The following TBC1D32 variants were observed in gnomAD, a reference collection of about 807,000 sequenced individuals.
The protein encoded by TBC1D32 is protein broad-minded.
TBC1D32 carries 151 observed loss-of-function variants against 170.3 expected under a neutral mutation model. The observed-to-expected ratio is 0.89, with a 90% CI of 0.78 to 1.01. The LOEUF (loss-of-function observed/expected upper bound fraction) is 1.01, where lower values mean the gene tolerates loss of function less well. TBC1D32 is among the 50% of genes least tolerant of loss of function. The probability of loss-of-function intolerance (pLI) is 0.00; values close to 1 mark genes in which losing one functional copy is unlikely to be tolerated. For missense variants in TBC1D32, 1,464 were observed against 1,457.1 expected, an observed-to-expected ratio of 1.00 and a Z score of -0.08; for synonymous variants, 498 against 488.0, an observed-to-expected ratio of 1.02 and a Z score of -0.27.
chr6:121,234,676 A>AT (rs1796128218), intron 20 of TBC1D32, among the ~76,000 whole-genome samples: 1 of 152,006 alleles, frequency 6.6e-6, no homozygotes, highest in African/African-American at 2.4e-5. Context: ...TGACTCCTTG[A>AT]TTAGCTGAGT....
Position 121,120,329 on chromosome 6 carries a change from G to A in TBC1D32, c.2984-5088C>T, listed in dbSNP as rs560323909. On this transcript the variant is annotated intron_variant, in intron 26 of 31. Coordinates refer to ENST00000398212, the MANE Select transcript of TBC1D32 (RefSeq NM_152730.6). ...TAGAAACATAACAGAGGGCAGTAAC[G>A]CATGCACACTGAGCAATCAGTTTTG... 3.9e-5 allele frequency among the ~76,000 whole-genome samples: 6 copies of A among 152,134 alleles called. No individual in the cohort carries two copies. In the East Asian group the frequency reaches 1.2e-3, roughly 29 times the overall value.
chr6:121,170,783 G>C (rs114903789), intron 22 of TBC1D32, among the ~76,000 whole-genome samples: 1,889 of 152,008 alleles, frequency 0.012, 38 homozygotes, highest in African/African-American at 0.043. Context: ...TACATAAATA[G>C]TAAATTTTCC....
At chr6:121,269,263 T>C (rs1563163013) in intron 15 of TBC1D32, among the ~76,000 whole-genome samples, 1 of 151,986 alleles carries the variant, frequency 6.6e-6, no homozygotes, top group Non-Finnish European at 1.5e-5. Context: ...CATATAACAA[T>C]ATTAACCTTA....
intron 15 of TBC1D32, among the ~76,000 whole-genome samples, chr6:121,276,814 GA>G (rs1332227857): frequency 6.6e-6 from 1 of 152,060 alleles, no homozygotes; most frequent in African/African-American, 2.4e-5. Context: ...GGGTAAAAAG[GA>G]ACATTAAATA....
chr6:121,115,055 C>A, intron 27 of TBC1D32, 117 bp downstream of exon 27: 2 of 671,366 alleles, frequency 3.0e-6, no homozygotes, highest in Non-Finnish European at 4.6e-6. Flanking sequence ...GAATGATAAA[C>A]TCTGCATTTA....
At chr6:121,307,925 G>C in intron 5 of TBC1D32, 51 bp downstream of exon 5, 1 of 1,553,128 alleles carries the variant, frequency 6.4e-7, no homozygotes, top group Non-Finnish European at 8.8e-7. Flanking sequence ...TTTATTTCCA[G>C]AATGGTGGGA....
At chr6:121,208,108 CAA>C (rs796335160) in intron 21 of TBC1D32, among the ~76,000 whole-genome samples, 12 of 135,592 alleles carry the variant, frequency 8.9e-5, no homozygotes, top group Admixed American at 2.2e-4. Context: ...ACACACACAC[CAA>C]AAAAAAAAAA....
upstream of TBC1D32, chr6:121,334,505 A>ACGCGCC (rs1554194525): frequency 1.8e-5 from 26 of 1,481,534 alleles, no homozygotes; most frequent in East Asian, 2.1e-4. Context: ...GCGCACGCGC[A>ACGCGCC]CCCCCACCCA....
chr6:121,267,559 A>G (rs1800704074), intron 15 of TBC1D32, among the ~76,000 whole-genome samples: 1 of 152,180 alleles, frequency 6.6e-6, no homozygotes, highest in African/African-American at 2.4e-5. Flanking sequence ...GGTGACAGCA[A>G]GGCTGGGGGA....
intron 2 of TBC1D32, among the ~76,000 whole-genome samples, chr6:121,317,880 A>G (rs1809153591): frequency 6.6e-6 from 1 of 152,146 alleles, no homozygotes; most frequent in South Asian, 2.1e-4. Context: ...GAGAATTCAA[A>G]AAGTATGTTA....
intron 15 of TBC1D32, among the ~76,000 whole-genome samples, chr6:121,274,359 CA>C (rs61410938): frequency 7.8e-5 from 11 of 141,832 alleles, no homozygotes; most frequent in East Asian, 2.0e-4. Flanking sequence ...CAAACAACAA[CA>C]AAAAAAAAAC....
chr6:121,085,876 T>C (rs1776223564), intron 31 of TBC1D32, among the ~76,000 whole-genome samples: 1 of 152,032 alleles, frequency 6.6e-6, no homozygotes, highest in Admixed American at 6.6e-5. Context: ...TTGGCTAGGT[T>C]AATGAGGGAA....
chr6:121,092,900 C>T (rs1162816316), intron 30 of TBC1D32, among the ~76,000 whole-genome samples: 1 of 151,986 alleles, frequency 6.6e-6, no homozygotes, highest in East Asian at 1.9e-4. Flanking sequence ...CAGCCTATAC[C>T]AGAGGGTATT....
chr6:121,131,506 C>T, intron 25 of TBC1D32, 121 bp downstream of exon 25: 1 of 1,047,502 alleles, frequency 9.5e-7, no homozygotes, highest in Non-Finnish European at 1.3e-6. Context: ...CAGAAATCAG[C>T]AAACTTCTGG....
intron 11 of TBC1D32, among the ~76,000 whole-genome samples, chr6:121,294,313 C>A (rs1215137933): frequency 4.6e-5 from 7 of 151,840 alleles, no homozygotes; most frequent in African/African-American, 7.3e-5. Context: ...AGGATACATG[C>A]CCTAGTATGA....
chr6:121,271,378 C>A (rs1310134071), intron 15 of TBC1D32, among the ~76,000 whole-genome samples: 3 of 152,086 alleles, frequency 2.0e-5, no homozygotes, highest in African/African-American at 7.3e-5. Context: ...CGTCTTGGCC[C>A]AAAATCTCCT....
chr6:121,257,761 G>A (rs1254415296), intron 15 of TBC1D32, among the ~76,000 whole-genome samples: 1 of 151,826 alleles, frequency 6.6e-6, no homozygotes, highest in African/African-American at 2.4e-5. Flanking sequence ...ATCCATTGCA[G>A]TCATTATTTT....
intron 19 of TBC1D32, among the ~76,000 whole-genome samples, chr6:121,240,576 G>A: frequency 6.6e-6 from 1 of 151,434 alleles, no homozygotes; most frequent in African/African-American, 2.4e-5. Context: ...ATATTGTTCA[G>A]AGCTCAGATA....
At chr6:121,153,371 G>T (rs1246361622) in intron 24 of TBC1D32, among the ~76,000 whole-genome samples, 1 of 152,084 alleles carries the variant, frequency 6.6e-6, no homozygotes, top group Non-Finnish European at 1.5e-5. Context: ...TGGAATCTTC[G>T]TCCCAGAGGG....
Sources: gnomAD v4.1 joint callset for allele counts (sites outside exome capture counted in the v4.1 genomes callset) on GRCh38, gnomAD v4.1.1 for gene constraint, MANE v1.5 for transcripts, NCBI Gene and HGNC (gene_info 2026-07-23, HGNC 2026-07-21) for gene names.